The following PCDH20 variants were observed in gnomAD, a reference collection of about 807,000 sequenced individuals.
PCDH20 encodes the protein protocadherin-20.
Under a neutral mutation model 39.7 loss-of-function variants are expected in PCDH20, and 18 were observed. The observed-to-expected ratio is 0.45, with a 90% CI of 0.31 to 0.67. The LOEUF (loss-of-function observed/expected upper bound fraction) is 0.67. PCDH20 is among the 30% of genes least tolerant of loss of function. The pLI, the probability that PCDH20 is intolerant of heterozygous loss-of-function variation, is 0.05. For synonymous variants in PCDH20, 495 were observed against 455.4 expected, an observed-to-expected ratio of 1.09 and a Z score of -1.11; for missense variants, 1,161 against 1,167.4, an observed-to-expected ratio of 0.99 and a Z score of 0.08.
exon 2 of PCDH20, chr13:61,412,584 T>A (rs1878269786): frequency 1.2e-6 from 2 of 1,614,032 alleles, no homozygotes; most frequent in African/African-American, 2.7e-5. Context: ...CCACCACAGC[T>A]ACTTCATAGA....
At chr13:61,413,164 T>C (rs1871440988) in exon 2 of PCDH20, 1 of 1,614,052 alleles carries the variant, frequency 6.2e-7, no homozygotes, top group Non-Finnish European at 8.5e-7. Context: ...GTCATTAATG[T>C]CACTGATGCC....
exon 2 of PCDH20, chr13:61,413,729 G>A (rs1407504882): frequency 1.9e-6 from 3 of 1,613,866 alleles, no homozygotes; most frequent in Middle Eastern, 1.6e-4. Context: ...CTCAGTCCCC[G>A]GGAGGCCAGG....
In PCDH20 at chr13:61,415,132, G is replaced by C. The variant is rs756632699; in HGVS notation, c.27C>G (p.Ser9Arg). The change falls in exon 1 of 2, where the codon AGC becomes AGG. Residue 9 changes from serine (S) to arginine (R), a missense_variant. Physicochemically the swap from Ser to Arg is moderately radical, Grantham distance 110. Transcript: ENST00000409204. ...ACCAGCTCACTCCCAGGGCCTGTGA[G>C]CTGCGCGCATTCCCTCGGCCGCGCA... 62 of 1,499,484 alleles carry C rather than the reference G, an allele frequency of 4.1e-5. No homozygotes were observed. In the South Asian group the frequency reaches 7.8e-4, roughly 19 times the overall value. 92.9% of individuals were successfully genotyped at this position (1,499,484 alleles called of 1,614,324 possible).
chr13:61,414,494 A>G (rs1033082375), intron 1 of PCDH20, among the ~76,000 whole-genome samples: 8 of 152,090 alleles, frequency 5.3e-5, no homozygotes, highest in South Asian at 2.1e-4. Flanking sequence ...CAATAATAAT[A>G]ATAATATAGA....
intron 1 of PCDH20, among the ~76,000 whole-genome samples, 173 bp downstream of exon 1, chr13:61,414,854 C>G (rs1337687777): frequency 6.6e-6 from 1 of 152,170 alleles, no homozygotes. Flanking sequence ...ACGGACTTCC[C>G]TATTCCTTGT....
At chr13:61,412,024 C>T (rs1366351064) in exon 2 of PCDH20, 2 of 1,614,006 alleles carry the variant, frequency 1.2e-6, no homozygotes, top group South Asian at 1.1e-5. Context: ...CCTCAGCATA[C>T]CCTTTCCTGT....
chr13:61,414,978 A>G, intron 1 of PCDH20, 49 bp downstream of exon 1: 1 of 1,348,338 alleles, frequency 7.4e-7, no homozygotes, highest in Non-Finnish European at 9.7e-7. Context: ...ATTGCTTCAC[A>G]ATACTGCAAC....
chr13:61,415,452 C>T, exon 1 of PCDH20: 1 of 294,384 alleles, frequency 3.4e-6, no homozygotes, highest in Non-Finnish European at 6.2e-6. Flanking sequence ...ACCTACCAGC[C>T]TCCTTCCTTG....
chr13:61,414,779 C>A (rs1282876367), intron 1 of PCDH20, among the ~76,000 whole-genome samples: 1 of 152,154 alleles, frequency 6.6e-6, no homozygotes, highest in Middle Eastern at 3.2e-3. Context: ...GGATTGAGCG[C>A]ACCCCCGATG....
At chr13:61,410,470 T>C (rs1022363296) in exon 2 of PCDH20, 10 of 152,442 alleles carry the variant, frequency 6.6e-5, no homozygotes, top group African/African-American at 2.4e-4. Flanking sequence ...AATATCTAGT[T>C]ACATTTCCTG....
exon 2 of PCDH20, chr13:61,412,171 T>C (rs1279465228): frequency 3.1e-6 from 5 of 1,614,150 alleles, no homozygotes; most frequent in Non-Finnish European, 4.2e-6. Flanking sequence ...AAAGCTGAAG[T>C]CCTTGTTGAT....
chr13:61,415,230 A>G (rs1871522398), exon 1 of PCDH20: 24 of 1,289,756 alleles, frequency 1.9e-5, no homozygotes, highest in Non-Finnish European at 2.4e-5. Flanking sequence ...GGTTCATGCA[A>G]ATCGCTGGGG....
exon 2 of PCDH20, chr13:61,413,571 A>G (rs1203123790): frequency 6.2e-7 from 1 of 1,614,134 alleles, no homozygotes; most frequent in Admixed American, 1.7e-5. Context: ...GCAGCAAAAG[A>G]CAAGAGTCAG....
exon 2 of PCDH20, chr13:61,413,629 C>G (rs761861612): frequency 6.2e-7 from 1 of 1,614,198 alleles, no homozygotes; most frequent in Non-Finnish European, 8.5e-7. Context: ...AGTCCCTCCA[C>G]CCCCTTCAAC....
chr13:61,410,126 A>G (rs1878215251), exon 2 of PCDH20: 1 of 152,146 alleles, frequency 6.6e-6, no homozygotes, highest in Non-Finnish European at 1.5e-5. Flanking sequence ...GCTTACAAAT[A>G]AACTGTTGGA....
chr13:61,414,973 T>C (rs1871506785), intron 1 of PCDH20, 54 bp downstream of exon 1: 2 of 1,318,596 alleles, frequency 1.5e-6, no homozygotes, highest in South Asian at 4.4e-5. Flanking sequence ...TGGGAATTGC[T>C]TCACAATACT....
At chr13:61,414,114 T>C in intron 1 of PCDH20, 148 bp from the exon 2 acceptor site, 2 of 729,192 alleles carry the variant, frequency 2.7e-6, no homozygotes, top group South Asian at 3.9e-5. Context: ...AGAAGAACCC[T>C]GCTGCGAAGG....
chr13:61,411,371 A>G, exon 2 of PCDH20: 1 of 1,614,114 alleles, frequency 6.2e-7, no homozygotes, highest in Non-Finnish European at 8.5e-7. Flanking sequence ...AAACAGATGT[A>G]TATGCCCATC....
exon 2 of PCDH20, chr13:61,412,011 A>G (rs776248053): frequency 6.2e-7 from 1 of 1,614,198 alleles, no homozygotes; most frequent in South Asian, 1.1e-5. Flanking sequence ...AAGAGACTTT[A>G]GCCCTCAGCA....
Sources: allele counts gnomAD v4.1 joint callset (sites outside exome capture counted in the v4.1 genomes callset), GRCh38; gene constraint gnomAD v4.1.1; transcripts MANE v1.5; gene names NCBI Gene and HGNC (gene_info 2026-07-23, HGNC 2026-07-21).